ANLN: variants seen among roughly 807,000 people sequenced by gnomAD.
ANLN encodes anillin.
Under a neutral mutation model 135.1 loss-of-function variants are expected in ANLN, and 59 were observed. The observed-to-expected ratio is 0.44, with a 90% CI of 0.35 to 0.54. The LOEUF is 0.54. Among genes scored for constraint, ANLN ranks in the 20% least tolerant of loss-of-function variants. The pLI is 0.00. For synonymous variants in ANLN, 406 were observed against 456.4 expected, an observed-to-expected ratio of 0.89 and a Z score of 1.41; for missense variants, 1,182 against 1,340.0, an observed-to-expected ratio of 0.88 and a Z score of 1.84.
At chr7:36,430,538 C>T (rs1391675224) in intron 20 of ANLN, among the ~76,000 whole-genome samples, 1 of 152,130 alleles carries the variant, frequency 6.6e-6, no homozygotes, top group East Asian at 1.9e-4. Context: ...AAGGATGTCC[C>T]AAAGTTCCTC....
rs747938812 is a variant in ANLN at position 36,406,429 on chromosome 7, G to A, written c.736G>A (p.Ala246Thr). ...ATTTTCCTCTGCAAGTGGAGCATCT[G>A]CTAGGATCAATAGCAGCAGTGTTAA... ...SKFSSASGASARINSSSVKQE... is the reference protein window; with the variant it reads ...SKFSSASGASTRINSSSVKQE... Residue 246 changes from alanine (A) to threonine (T), a missense_variant, in exon 4 of 24, where the codon GCT becomes ACT. Around this residue, in one of 3 missense-constraint regions of ANLN, gnomAD observed 1,022 missense variants for 1,134.0 expected, o/e 0.90. Transcript: ENST00000265748. 3.4e-5 allele frequency: 55 copies of A among 1,613,634 alleles called. 1 individual carries two copies. The East Asian group carries it at 1.1e-3, about 31-fold the overall frequency.
intron 21 of ANLN, among the ~76,000 whole-genome samples, chr7:36,442,435 AC>A (rs1788811862): frequency 6.6e-6 from 1 of 152,268 alleles, no homozygotes; most frequent in Admixed American, 6.5e-5. Flanking sequence ...AGCATCTGTG[AC>A]TGCTTCTGTG....
chr7:36,396,286 TG>T lies in ANLN; in HGVS notation c.40del (p.Ala14ProfsTer21). 1 of 1,606,372 alleles carries T rather than the reference TG, an allele frequency of 6.2e-7. No individual in the cohort carries two copies. The highest frequency in any genetic ancestry group is 8.5e-7 in the Non-Finnish European group (1 of 1,174,514). On this transcript the variant is annotated frameshift_variant, in exon 2 of 24. Coordinates refer to ENST00000265748, the MANE Select transcript of ANLN (RefSeq NM_018685.5). LOFTEE classifies it high-confidence loss of function. ...FTEKLLERTR[A>X]RRENLQRKMA... ...TGTAGAAACTGCTGGAGCGAACCCG[TG>T]CCAGGCGAGAGAATCTTCAGAGAAA... is the stretch of plus-strand genomic sequence containing the variant.
intron 21 of ANLN, among the ~76,000 whole-genome samples, chr7:36,440,403 C>T (rs758689212): frequency 3.9e-5 from 6 of 152,012 alleles, no homozygotes; most frequent in East Asian, 3.9e-4. Context: ...ATCATTCTGG[C>T]GCAGGTGAGG....
At chr7:36,393,437 C>G (rs1327472842) in intron 1 of ANLN, among the ~76,000 whole-genome samples, 1 of 152,150 alleles carries the variant, frequency 6.6e-6, no homozygotes, top group Non-Finnish European at 1.5e-5. Flanking sequence ...AGAGGAGAAG[C>G]TGGAACAGGG....
intron 19 of ANLN, 30 bp downstream of exon 19, chr7:36,426,066 T>A: frequency 7.0e-7 from 1 of 1,438,474 alleles, no homozygotes; most frequent in South Asian, 1.5e-5. Context: ...TTTGAAACTT[T>A]AGAATAAGGT....
chr7:36,429,402 G>T (rs1276616267), intron 20 of ANLN, among the ~76,000 whole-genome samples: 1 of 151,896 alleles, frequency 6.6e-6, no homozygotes, highest in African/African-American at 2.4e-5. Flanking sequence ...TGTATTTTTA[G>T]TAGAGACAGG....
chr7:36,414,504 T>G (rs1787559830), intron 7 of ANLN, among the ~76,000 whole-genome samples: 1 of 152,142 alleles, frequency 6.6e-6, no homozygotes, highest in Admixed American at 6.6e-5. Context: ...CAAAAACTGA[T>G]GGACTTTCTT....
chr7:36,450,918 A>T (rs1006697376), intron 23 of ANLN, among the ~76,000 whole-genome samples: 1 of 152,080 alleles, frequency 6.6e-6, no homozygotes, highest in African/African-American at 2.4e-5. Flanking sequence ...ACTCTCTTAG[A>T]CTTCTCCGTA....
At chr7:36,435,936 C>A (rs925781864) in intron 20 of ANLN, among the ~76,000 whole-genome samples, 2 of 133,570 alleles carry the variant, frequency 1.5e-5, no homozygotes, top group Non-Finnish European at 3.2e-5. Flanking sequence ...GTTAGTAGTT[C>A]ATTGTTTTCA....
At chr7:36,395,614 C>T (rs1786660023) in intron 1 of ANLN, among the ~76,000 whole-genome samples, 1 of 152,114 alleles carries the variant, frequency 6.6e-6, no homozygotes, top group South Asian at 2.1e-4. Context: ...ATTTTGCCTA[C>T]CATAGTGGCT....
rs144767173 is a variant in ANLN, at chr7:36,404,376, A to G, written c.488-1805A>G. 3.7e-4 allele frequency among the ~76,000 whole-genome samples: 57 copies of G among 152,298 alleles called. 1 individual carries two copies. In the East Asian group the frequency reaches 0.011, roughly 29 times the overall value. ...CACCAGTGGATGTCTGAAACCTCAG[A>G]CAGTACCGAACCCAATTGCCATCAT... On this transcript the variant is annotated intron_variant, in intron 3 of 23. Coordinates refer to ENST00000265748, the MANE Select transcript of ANLN (RefSeq NM_018685.5).
intron 3 of ANLN, among the ~76,000 whole-genome samples, chr7:36,400,380 GAC>G (rs994171074): frequency 6.6e-6 from 1 of 151,734 alleles, no homozygotes; most frequent in Admixed American, 6.6e-5. Flanking sequence ...TTTTTTTTGA[GAC>G]AGAGTCTCAC....
At chr7:36,449,156 G>A (rs1425772606) in intron 22 of ANLN, 2 of 152,270 alleles carry the variant, frequency 1.3e-5, no homozygotes, top group African/African-American at 4.8e-5. Context: ...ATTTGGTCTC[G>A]TGAATGTTTT....
At chr7:36,427,812 C>T (rs536207199) in intron 20 of ANLN, among the ~76,000 whole-genome samples, 1 of 152,294 alleles carries the variant, frequency 6.6e-6, no homozygotes, top group Admixed American at 6.5e-5. Context: ...AAAATCAGAT[C>T]TGTGTTAACA....
intron 2 of ANLN, among the ~76,000 whole-genome samples, chr7:36,397,964 A>G (rs73102279): frequency 0.011 from 1,678 of 152,216 alleles, 26 homozygotes; most frequent in Middle Eastern, 0.054. Context: ...TAGATTAGAA[A>G]GTTTCATGAT....
At chr7:36,396,906 C>T (rs1348760210) in intron 2 of ANLN, among the ~76,000 whole-genome samples, 1 of 152,152 alleles carries the variant, frequency 6.6e-6, no homozygotes, top group East Asian at 1.9e-4. Flanking sequence ...TTGTTAATCT[C>T]CAGAAGTGGT....
Position 36,424,678 on chromosome 7 carries a change from G to A in ANLN, c.2653-8G>A, listed in dbSNP as rs1246171829. 6.2e-7 allele frequency: 1 copy of A among 1,611,676 alleles called. No individual in the cohort carries two copies. The highest frequency in any genetic ancestry group is 1.7e-5 in the Admixed American group (1 of 59,796). On this transcript the variant is annotated splice_polypyrimidine_tract_variant and splice_region_variant and intron_variant, in intron 16 of 23. Transcript: ENST00000265748. The stretch of plus-strand genomic sequence containing the variant: ...TATAAATTAATTATGCTTTGGGTTT[G>A]TGCGTAGGTGCAAAAGAAAGATCCC...
intron 7 of ANLN, among the ~76,000 whole-genome samples, chr7:36,412,029 C>T (rs1787433953): frequency 6.6e-6 from 1 of 152,028 alleles, no homozygotes; most frequent in Non-Finnish European, 1.5e-5. Flanking sequence ...TCTGTCTTCT[C>T]TTGTTGGTTT....
Sources: allele counts gnomAD v4.1 joint callset (sites outside exome capture counted in the v4.1 genomes callset), GRCh38; gene constraint gnomAD v4.1.1; regional missense constraint gnomAD v4.1.1; transcripts MANE v1.5; gene names NCBI Gene and HGNC (gene_info 2026-07-23, HGNC 2026-07-21).